Variants in GYS2 observed in about 807,000 individuals in gnomAD.
The protein encoded by GYS2 is glycogen [starch] synthase, liver.
Under a neutral mutation model 85.6 loss-of-function variants are expected in GYS2, and 80 were observed. That is an observed-to-expected ratio of 0.93 (90% CI 0.78 to 1.13). The LOEUF (loss-of-function observed/expected upper bound fraction) is 1.13, where lower values mean the gene tolerates loss of function less well. Ranked by LOEUF, GYS2 falls within the 50% of genes most tolerant of loss-of-function variation. The probability of loss-of-function intolerance (pLI) is 0.00; values close to 1 mark genes in which losing one functional copy is unlikely to be tolerated. For missense variants in GYS2, 881 were observed against 854.9 expected, an observed-to-expected ratio of 1.03 and a Z score of -0.38; for synonymous variants, 328 against 300.7, an observed-to-expected ratio of 1.09 and a Z score of -0.94.
In GYS2 at chr12:21,591,139, G is replaced by GA. The variant is rs1346619316; in HGVS notation, c.122-10617dup. ...AATTCTTCAGCAACATAAGCCAGTG[G>GA]AAAAAAAAGACATTTATAAAATTCT... is the stretch of plus-strand genomic sequence containing the variant. On this transcript the variant is annotated intron_variant, in intron 1 of 15. Coordinates refer to ENST00000261195, the MANE Select transcript of GYS2 (RefSeq NM_021957.4). Among the ~76,000 whole-genome samples the GA allele has an allele frequency of 1.5e-3, 227 of 151,338 alleles. 2 individuals carry two copies. The highest frequency in any genetic ancestry group is 5.0e-3 in the African/African-American group (206 of 41,298).
chr12:21,548,026 A>G (rs749071747), intron 11 of GYS2, among the ~76,000 whole-genome samples: 9 of 152,166 alleles, frequency 5.9e-5, no homozygotes, highest in African/African-American at 9.7e-5. Context: ...AAAATTTTGT[A>G]TTCATAACCA....
At chr12:21,560,683 A>C (rs1232258340) in intron 7 of GYS2, among the ~76,000 whole-genome samples, 191 bp from the exon 8 acceptor site, 2 of 152,228 alleles carry the variant, frequency 1.3e-5, no homozygotes, top group Non-Finnish European at 2.9e-5. Context: ...AATCAAAATA[A>C]ATTTTAAATT....
chr12:21,600,301 A>T (rs915325650), intron 1 of GYS2, among the ~76,000 whole-genome samples: 4 of 151,894 alleles, frequency 2.6e-5, no homozygotes, highest in Admixed American at 6.6e-5. Context: ...GAAATTTTTT[A>T]AATTTCTGTA....
chr12:21,577,717 C>A (rs1226052441), intron 2 of GYS2, among the ~76,000 whole-genome samples: 2 of 152,160 alleles, frequency 1.3e-5, no homozygotes, highest in Non-Finnish European at 2.9e-5. Context: ...ACTACCCACA[C>A]AGCATCTCAA....
chr12:21,536,094 T>C (rs540833674), downstream of GYS2: 3 of 152,320 alleles, frequency 2.0e-5, no homozygotes, highest in Non-Finnish European at 4.4e-5. Context: ...AAAGAAGGCA[T>C]TATCAGTGAA....
At chr12:21,569,414 T>A (rs532709328) in intron 4 of GYS2, among the ~76,000 whole-genome samples, 2 of 152,170 alleles carry the variant, frequency 1.3e-5, no homozygotes, top group Non-Finnish European at 2.9e-5. Flanking sequence ...AAAGTTGACA[T>A]CGAAAATAAG....
intron 11 of GYS2, among the ~76,000 whole-genome samples, chr12:21,549,574 A>G (rs1286842765): frequency 6.6e-6 from 1 of 152,240 alleles, no homozygotes; most frequent in East Asian, 1.9e-4. Context: ...ACATCGCTTT[A>G]GAGTCCTTCA....
At chr12:21,581,235 AAAG>A (rs1443588351) in intron 1 of GYS2, among the ~76,000 whole-genome samples, 3 of 152,172 alleles carry the variant, frequency 2.0e-5, no homozygotes, top group Non-Finnish European at 4.4e-5. Flanking sequence ...GCCTCCAAAG[AAAG>A]AAGAAGTAAA....
rs765197647 is a variant in GYS2 at position 21,568,978 on chromosome 12, T to G, written c.710A>C (p.Gln237Pro). 22 of 1,614,010 alleles carry G rather than the reference T, an allele frequency of 1.4e-5. No individual in the cohort carries two copies. The highest frequency in any genetic ancestry group is 1.9e-5 in the Non-Finnish European group (22 of 1,179,960). Residue 237 changes from glutamine (Q) to proline (P), a missense_variant, in exon 5 of 16, where the codon CAG becomes CCG. Transcript: ENST00000261195. ...FNIDKEAGER[Q>P]IYHRYCMERA... Reference sequence around the variant, plus strand: ...CTCCATGCAGTACCGGTGGTAAATCTGCCTTTCCCCAGCCTCTTTGTCAAT... The same window carrying G: ...CTCCATGCAGTACCGGTGGTAAATCGGCCTTTCCCCAGCCTCTTTGTCAAT...
intron 1 of GYS2, among the ~76,000 whole-genome samples, chr12:21,588,166 A>G (rs374871328): frequency 3.3e-5 from 5 of 152,238 alleles, no homozygotes; most frequent in African/African-American, 1.2e-4. Flanking sequence ...AATTGCAAAA[A>G]GCAATTTTAT....
intron 13 of GYS2, among the ~76,000 whole-genome samples, 163 bp from the exon 14 acceptor site, chr12:21,540,736 C>A (rs765488184): frequency 2.0e-5 from 3 of 152,110 alleles, no homozygotes; most frequent in Non-Finnish European, 4.4e-5. Context: ...GCCCTAATTC[C>A]CTTCTAATGG....
intron 15 of GYS2, chr12:21,537,436 CTG>C (rs746965716): frequency 4.1e-6 from 2 of 485,920 alleles, no homozygotes; most frequent in Non-Finnish European, 7.4e-6. Flanking sequence ...TAACAACACT[CTG>C]ATAAATATGT....
At chr12:21,559,629 A>T (rs746887274) in intron 9 of GYS2, 22 bp downstream of exon 9, 5 of 1,295,438 alleles carry the variant, frequency 3.9e-6, no homozygotes, top group Non-Finnish European at 4.5e-6. Context: ...TGATTGAAGT[A>T]GAAAGCATTT....
chr12:21,552,595 G>A (rs1460874953), intron 11 of GYS2, among the ~76,000 whole-genome samples: 1 of 152,204 alleles, frequency 6.6e-6, no homozygotes, highest in Admixed American at 6.5e-5. Context: ...TGTAGCAAAT[G>A]TCAGGAAGGT....
chr12:21,593,106 G>T (rs1021798102), intron 1 of GYS2, among the ~76,000 whole-genome samples: 3 of 151,782 alleles, frequency 2.0e-5, no homozygotes, highest in Non-Finnish European at 4.4e-5. Flanking sequence ...TACAACATAG[G>T]AAAAGCCATG....
chr12:21,561,224 C>T (rs1424255963), intron 7 of GYS2, among the ~76,000 whole-genome samples: 1 of 152,192 alleles, frequency 6.6e-6, no homozygotes, highest in East Asian at 1.9e-4. Context: ...AGTCCTATAA[C>T]AGGTTAGTGC....
At chr12:21,542,626 A>C in intron 12 of GYS2, 35 bp from the exon 13 acceptor site, 1 of 1,402,960 alleles carries the variant, frequency 7.1e-7, no homozygotes, top group Middle Eastern at 1.8e-4. Flanking sequence ...TTGGCTTCAG[A>C]CCAGCGCCTA....
At chr12:21,593,658 A>G (rs1011021043) in intron 1 of GYS2, among the ~76,000 whole-genome samples, 2 of 152,078 alleles carry the variant, frequency 1.3e-5, no homozygotes, top group Admixed American at 6.5e-5. Context: ...TCAAGACCAG[A>G]TGGCTTTACT....
At chr12:21,574,639 A>C (rs533231528) in intron 3 of GYS2, among the ~76,000 whole-genome samples, 1 of 152,258 alleles carries the variant, frequency 6.6e-6, no homozygotes, top group Non-Finnish European at 1.5e-5. Context: ...CAAAGTAGGC[A>C]CTCAAAAAAT....
Sources: allele counts gnomAD v4.1 joint callset (sites outside exome capture counted in the v4.1 genomes callset), GRCh38; gene constraint gnomAD v4.1.1; transcripts MANE v1.5; gene names NCBI Gene and HGNC (gene_info 2026-07-23, HGNC 2026-07-21).